CA7: variants seen among roughly 807,000 people sequenced by gnomAD.
CA7 encodes carbonic anhydrase 7, also known as carbonate dehydratase VII.
A neutral mutation model predicts 31.4 loss-of-function variants in CA7; 13 were observed. The observed-to-expected ratio is 0.41, with a 90% CI of 0.27 to 0.66. The LOEUF (loss-of-function observed/expected upper bound fraction) is 0.66, where lower values mean the gene tolerates loss of function less well. Among genes scored for constraint, CA7 ranks in the 30% least tolerant of loss-of-function variants. The pLI is 0.28. For missense variants in CA7, 215 were observed against 351.0 expected (o/e 0.61, Z 3.10); for synonymous variants, 128 against 133.2 (o/e 0.96, Z 0.27).
intron 1 of CA7, chr16:66,845,072 G>C: frequency 1.0e-6 from 1 of 985,934 alleles, no homozygotes; most frequent in Non-Finnish European, 1.2e-6. Flanking sequence ...GGGGGCGCAA[G>C]CATGTGTCTG....
At chr16:66,847,996 G>A (rs1450103166) in intron 2 of CA7, among the ~76,000 whole-genome samples, 1 of 152,224 alleles carries the variant, frequency 6.6e-6, no homozygotes, top group Non-Finnish European at 1.5e-5. Flanking sequence ...GGGCGAGGAA[G>A]AAACCTACTA....
At position 66,853,242 on chromosome 16, in the gene CA7, G is replaced by A; in HGVS notation, c.673-134G>A. 9.2e-7 allele frequency: 1 copy of A among 1,091,926 alleles called. No individual in the cohort carries two copies. The allele number at this position is 1,091,926 out of a possible 1,614,324, so 67.6% of individuals were successfully genotyped here. On this transcript the variant is annotated intron_variant, in intron 6 of 6. Transcript: ENST00000338437. This position sits in a 1 kb window ranked among gnomAD's most constrained non-coding sequence, Gnocchi z 4.5. ...TGCAGAGAAAAATGAGTGGGGAAGA[G>A]TAGGGACAGACCCTAAGGGAAGGAG...
Position 66,853,590 on chromosome 16 carries a change from G to A in CA7, c.*92G>A, listed in dbSNP as rs1961113118. 1 of 1,526,884 alleles carries A rather than the reference G, an allele frequency of 6.5e-7. No individual in the cohort carries two copies. The highest frequency in any genetic ancestry group is 1.4e-5 in the African/African-American group (1 of 72,958). 94.6% of individuals were successfully genotyped at this position (1,526,884 alleles called of 1,614,324 possible). On this transcript the variant is annotated 3_prime_UTR_variant, in exon 7 of 7. Transcript: ENST00000338437. This position sits in a 1 kb window ranked among gnomAD's most constrained non-coding sequence, Gnocchi z 4.5. ...CAAACCATCTGAGGCTTCCTCCCTG[G>A]GGGGTGCTGGGGACCCTCCTTCAGC...
At chr16:66,849,672 C>G (rs1490229409) in intron 2 of CA7, among the ~76,000 whole-genome samples, 1 of 152,152 alleles carries the variant, frequency 6.6e-6, no homozygotes. Context: ...GGGTCCCACC[C>G]TCCATGGGAA....
rs1961099814 is a variant in CA7 at position 66,853,068 on chromosome 16, G to C, written c.672+201G>C. On this transcript the variant is annotated intron_variant, in intron 6 of 6. Transcript: ENST00000338437. The surrounding 1 kb of genome is among the most constrained non-coding windows in gnomAD (Gnocchi z 4.5). Reference sequence around the variant, plus strand: ...AGAACCTAGACACTGGCTGGGAGCGGGGATACCTGGATCCTGGGACCCCCA... The same window carrying C: ...AGAACCTAGACACTGGCTGGGAGCGCGGATACCTGGATCCTGGGACCCCCA... 6.6e-6 allele frequency among the ~76,000 whole-genome samples: 1 copy of C among 152,172 alleles called. No homozygotes were observed. The highest frequency in any genetic ancestry group is 1.5e-5 in the Non-Finnish European group (1 of 68,028).
Position 66,853,517 on chromosome 16 carries a change from C to A in CA7, c.*19C>A, listed in dbSNP as rs765276310. The A allele has an allele frequency of 2.1e-5, 34 of 1,613,166 alleles. No individual in the cohort carries two copies. The highest frequency in any genetic ancestry group is 2.6e-5 in the Non-Finnish European group (31 of 1,179,862). On this transcript the variant is annotated 3_prime_UTR_variant, in exon 7 of 7. Coordinates refer to ENST00000338437, the MANE Select transcript of CA7 (RefSeq NM_005182.3). This position sits in a 1 kb window ranked among gnomAD's most constrained non-coding sequence, Gnocchi z 4.5. ...GGCCTGAGCTGCCCATCTGCCTAGC[C>A]GGCCACTAGGGCACCATCTTCTCAA...
Position 66,853,257 on chromosome 16 carries a change from A to C in CA7, c.673-119A>C. 7.9e-7 allele frequency: 1 copy of C among 1,267,792 alleles called. No individual in the cohort carries two copies. The highest frequency in any genetic ancestry group is 1.1e-6 in the Non-Finnish European group (1 of 888,532). The allele number at this position is 1,267,792 out of a possible 1,614,324, so 78.5% of individuals were successfully genotyped here. A position where few individuals can be genotyped will look rare whatever the true frequency, so the allele number is the denominator to read the frequency against. ...GTGGGGAAGAGTAGGGACAGACCCT[A>C]AGGGAAGGAGGAGGGAGGGGTAGAG... On this transcript the variant is annotated intron_variant, in intron 6 of 6. Coordinates refer to ENST00000338437, the MANE Select transcript of CA7 (RefSeq NM_005182.3). This position sits in a 1 kb window ranked among gnomAD's most constrained non-coding sequence, Gnocchi z 4.5.
intron 2 of CA7, among the ~76,000 whole-genome samples, chr16:66,850,160 G>T (rs895498474): frequency 9.4e-5 from 14 of 148,392 alleles, no homozygotes; most frequent in Non-Finnish European, 1.8e-4. Context: ...ATGTATCTCA[G>T]CTGGCACAGT....
At chr16:66,850,482 TG>T in intron 2 of CA7, 58 bp from the exon 3 acceptor site, 1 of 965,378 alleles carries the variant, frequency 1.0e-6, no homozygotes, top group Non-Finnish European at 1.7e-6. Flanking sequence ...GCCCTGGTCC[TG>T]GCACTGGGCT....
chr16:66,848,887 A>G (rs1960980615), intron 2 of CA7, among the ~76,000 whole-genome samples: 1 of 152,162 alleles, frequency 6.6e-6, no homozygotes, highest in Non-Finnish European at 1.5e-5. Context: ...TCCTGCTTCC[A>G]GGGATGGGGC....
intron 2 of CA7, 56 bp downstream of exon 2, chr16:66,847,283 C>T: frequency 7.9e-6 from 12 of 1,511,642 alleles, no homozygotes; most frequent in Non-Finnish European, 1.1e-5. Context: ...AGGGTCCTAA[C>T]CTTGTGTTGG....
chr16:66,849,148 C>T (rs1960986647), intron 2 of CA7, among the ~76,000 whole-genome samples: 2 of 152,230 alleles, frequency 1.3e-5, no homozygotes, highest in Non-Finnish European at 2.9e-5. Context: ...CCTCCACCTC[C>T]AGATCCCTTT....
intron 2 of CA7, among the ~76,000 whole-genome samples, chr16:66,848,169 A>G (rs1310555823): frequency 2.0e-5 from 3 of 152,212 alleles, no homozygotes; most frequent in African/African-American, 7.2e-5. Flanking sequence ...GAGTGATCTT[A>G]CTTAGTTCTG....
In CA7 at chr16:66,847,112, G is replaced by A. The variant is rs1313331883; in HGVS notation, c.123G>A (p.Val41=). Residue 41 remains valine (V), a synonymous_variant, in exon 2 of 7, where the codon GTG becomes GTA. Transcript: ENST00000338437. ...SPINIISSQA[V]YSPSLQPLEL... The stretch of plus-strand genomic sequence containing the variant: ...TCAATATCATCTCCAGCCAGGCTGT[G>A]TACTCTCCCAGCCTGCAACCACTGG... 6.2e-7 allele frequency: 1 copy of A among 1,614,090 alleles called. No individual in the cohort carries two copies. The highest frequency in any genetic ancestry group is 1.3e-5 in the African/African-American group (1 of 74,928).
intron 6 of CA7, 31 bp downstream of exon 6, chr16:66,852,898 A>C (rs1159360166): frequency 3.1e-6 from 5 of 1,601,848 alleles, no homozygotes; most frequent in African/African-American, 2.7e-5. Flanking sequence ...AGATGGAGGG[A>C]CATGGCACTC....
At chr16:66,851,394 G>C in intron 3 of CA7, 69 bp from the exon 4 acceptor site, 3 of 1,278,702 alleles carry the variant, frequency 2.3e-6, no homozygotes, top group Non-Finnish European at 3.4e-6. Context: ...GTGGGAGTGA[G>C]GGGAGCCTGG....
chr16:66,846,891 G>A (rs1159016898), intron 1 of CA7, 139 bp from the exon 2 acceptor site: 1 of 668,730 alleles, frequency 1.5e-6, no homozygotes, highest in Admixed American at 2.6e-5. Flanking sequence ...GCTGGGATTG[G>A]AACTCCAAGC....
intron 2 of CA7, among the ~76,000 whole-genome samples, chr16:66,849,867 C>T: frequency 6.6e-6 from 1 of 152,194 alleles, no homozygotes; most frequent in Non-Finnish European, 1.5e-5. Flanking sequence ...AAAAATGTAT[C>T]CCACACTTTG....
rs746868763 is a variant in CA7 at position 66,851,650 on chromosome 16, C to T, written c.454-14C>T. 6.2e-7 allele frequency: 1 copy of T among 1,614,016 alleles called. No individual in the cohort carries two copies. Among genetic ancestry groups the T allele is most frequent in the Non-Finnish European group, 8.5e-7 (1 of 1,179,908 alleles). On this transcript the variant is annotated splice_polypyrimidine_tract_variant and intron_variant, in intron 4 of 6. Transcript: ENST00000338437. ...ACAGTGGGCTCTGGGCTCACACTGC[C>T]CTCTCCCTGACAGACAGGAGACGAG... is the stretch of plus-strand genomic sequence containing the variant.
Sources: gnomAD v4.1 joint callset for allele counts (sites outside exome capture counted in the v4.1 genomes callset) on GRCh38, gnomAD v4.1.1 for gene constraint, Gnocchi (gnomAD v3.1) non-coding constraint, MANE v1.5 for transcripts, NCBI Gene and HGNC (gene_info 2026-07-23, HGNC 2026-07-21) for gene names.